Variants in AGBL1 observed in about 807,000 individuals in gnomAD.
The protein encoded by AGBL1 is AGBL carboxypeptidase 1.
A neutral mutation model predicts 118.9 loss-of-function variants in AGBL1; 130 were observed. The observed-to-expected ratio is 1.09, with a 90% CI of 0.95 to 1.26. The LOEUF is 1.26. Among genes scored for constraint, AGBL1 ranks in the 50% most tolerant of loss-of-function variants. AGBL1 has a pLI of 0.00. For synonymous variants in AGBL1, 555 were observed against 478.9 expected, an observed-to-expected ratio of 1.16 and a Z score of -2.08; for missense variants, 1,584 against 1,298.1, an observed-to-expected ratio of 1.22 and a Z score of -3.38.
chr15:86,197,078 A>T (rs1952795663), intron 5 of AGBL1, among the ~76,000 whole-genome samples: 1 of 152,174 alleles, frequency 6.6e-6, no homozygotes, highest in Admixed American at 6.5e-5. Context: ...CTGACATTTT[A>T]TTATGGCAGC....
At chr15:86,305,590 C>T (rs549044325) in intron 17 of AGBL1, among the ~76,000 whole-genome samples, 3 of 152,270 alleles carry the variant, frequency 2.0e-5, no homozygotes, top group African/African-American at 7.2e-5. Context: ...AACATGTCAT[C>T]CTTGTCTAAC....
chr15:86,627,611 A>G (rs776767501), intron 21 of AGBL1, among the ~76,000 whole-genome samples: 8 of 152,236 alleles, frequency 5.3e-5, no homozygotes, highest in Non-Finnish European at 8.8e-5. Flanking sequence ...AGCTTACAAG[A>G]GGAAATACAT....
At chr15:86,176,378 A>C (rs1356171219) in intron 5 of AGBL1, among the ~76,000 whole-genome samples, 1 of 152,216 alleles carries the variant, frequency 6.6e-6, no homozygotes, top group East Asian at 1.9e-4. Context: ...CTGAAAGCAC[A>C]TGCATGTGCA....
intron 21 of AGBL1, among the ~76,000 whole-genome samples, chr15:86,590,393 C>T (rs573075716): frequency 4.0e-4 from 61 of 152,202 alleles, no homozygotes; most frequent in African/African-American, 1.4e-3. Context: ...TATATGGGGG[C>T]TTTTCCCCAC....
At chr15:86,578,818 C>G (rs2142327233) in intron 21 of AGBL1, among the ~76,000 whole-genome samples, 1 of 152,290 alleles carries the variant, frequency 6.6e-6, no homozygotes, top group East Asian at 1.9e-4. Flanking sequence ...ACTGTGAAGC[C>G]TCCCAGCCAT....
At position 86,765,452 on chromosome 15, in the gene AGBL1, G is replaced by A. The variant is rs571707836; in HGVS notation, c.3158+91016G>A. On this transcript the variant is annotated intron_variant, in intron 22 of 22. Coordinates refer to ENST00000614907, the MANE Select transcript of AGBL1 (RefSeq NM_001386094.1). ...AGACATTTAGTGTATTATAGCGAGG[G>A]CAGGAAAGGGCACCCACTTTGCAGC... Among the ~76,000 whole-genome samples, 8 of 152,052 alleles carry A rather than the reference G, an allele frequency of 5.3e-5. No individual in the cohort carries two copies. The South Asian group carries it at 1.7e-3, about 31-fold the overall frequency.
At chr15:86,957,404 G>A (rs72755661) in intron 23 of AGBL1, among the ~76,000 whole-genome samples, 5,924 of 151,914 alleles carry the variant, frequency 0.039, 156 homozygotes, top group Middle Eastern at 0.071. Context: ...AAATCTTCTC[G>A]TTTTTCTCAG....
At chr15:86,900,586 G>A (rs2080197600) in intron 22 of AGBL1, among the ~76,000 whole-genome samples, 1 of 151,460 alleles carries the variant, frequency 6.6e-6, no homozygotes, top group Non-Finnish European at 1.5e-5. Flanking sequence ...GATTTTTTTG[G>A]ACTTTTATTT....
At chr15:86,337,247 CA>C (rs1361052002) in intron 17 of AGBL1, among the ~76,000 whole-genome samples, 2 of 152,106 alleles carry the variant, frequency 1.3e-5, no homozygotes, top group Non-Finnish European at 2.9e-5. Context: ...CAGATTTACG[CA>C]GGAAACAGAC....
intron 18 of AGBL1, among the ~76,000 whole-genome samples, chr15:86,516,793 C>CAA (rs3084324): frequency 2.6e-4 from 26 of 99,148 alleles, no homozygotes; most frequent in African/African-American, 7.8e-4. Context: ...AACTCCATCT[C>CAA]AAAAAAAAAA....
chr15:86,798,352 G>C (rs2078603266), intron 22 of AGBL1, among the ~76,000 whole-genome samples: 1 of 152,122 alleles, frequency 6.6e-6, no homozygotes, highest in Non-Finnish European at 1.5e-5. Flanking sequence ...AGGGTGTTGG[G>C]ATAGGGTTGG....
At chr15:86,458,562 C>G (rs2082290210) in intron 18 of AGBL1, among the ~76,000 whole-genome samples, 1 of 152,168 alleles carries the variant, frequency 6.6e-6, no homozygotes. Context: ...AAAGCTTACA[C>G]TAACACCATT....
In AGBL1 at chr15:86,855,976, G is replaced by A. The variant is rs566205751; in HGVS notation, c.3159-51111G>A. On this transcript the variant is annotated intron_variant, in intron 22 of 22. Transcript: ENST00000614907. ...TCCCTAATGGCAGCCTTTAAAACCC[G>A]GGAGCTCAAGATTAGTAAGGACATT... is the stretch of plus-strand genomic sequence containing the variant. Among the ~76,000 whole-genome samples the A allele has an allele frequency of 2.6e-5, 4 of 152,244 alleles. No individual in the cohort carries two copies. The East Asian group carries it at 5.8e-4, about 22-fold the overall frequency.
At chr15:86,689,339 A>G (rs1567123430) in intron 22 of AGBL1, among the ~76,000 whole-genome samples, 2 of 152,060 alleles carry the variant, frequency 1.3e-5, no homozygotes, top group African/African-American at 4.8e-5. Flanking sequence ...CTCCTACTGT[A>G]AGGCCTCTAA....
At chr15:86,379,812 G>C (rs189394100) in intron 17 of AGBL1, among the ~76,000 whole-genome samples, 120 of 152,292 alleles carry the variant, frequency 7.9e-4, no homozygotes, top group African/African-American at 2.8e-3. Flanking sequence ...GAGTTTCAGA[G>C]CTGGTTTCAA....
At chr15:86,485,630 C>T (rs2082702951) in intron 18 of AGBL1, among the ~76,000 whole-genome samples, 1 of 152,062 alleles carries the variant, frequency 6.6e-6, no homozygotes, top group Admixed American at 6.6e-5. Context: ...AAATATACAT[C>T]TGATTTCTGC....
intron 20 of AGBL1, among the ~76,000 whole-genome samples, chr15:86,551,852 T>C (rs1291164133): frequency 1.3e-5 from 2 of 152,124 alleles, no homozygotes; most frequent in African/African-American, 4.8e-5. Flanking sequence ...GGAAGAACCT[T>C]AAATGGATAT....
At chr15:86,346,193 G>A (rs2080533889) in intron 17 of AGBL1, among the ~76,000 whole-genome samples, 1 of 152,010 alleles carries the variant, frequency 6.6e-6, no homozygotes, top group South Asian at 2.1e-4. Context: ...ACGTTGGCCA[G>A]GCTGATCTTG....
At chr15:86,260,704 C>G (rs773481992) in intron 9 of AGBL1, among the ~76,000 whole-genome samples, 1 of 152,126 alleles carries the variant, frequency 6.6e-6, no homozygotes, top group Non-Finnish European at 1.5e-5. Context: ...ATTAAGTGTT[C>G]TAATCACCAC....
Sources: gnomAD v4.1 joint callset for allele counts (sites outside exome capture counted in the v4.1 genomes callset) on GRCh38, gnomAD v4.1.1 for gene constraint, MANE v1.5 for transcripts, NCBI Gene and HGNC (gene_info 2026-07-23, HGNC 2026-07-21) for gene names.